ODR4: variants seen among roughly 807,000 people sequenced by gnomAD.
ODR4 encodes the protein odr-4 GPCR localization factor homolog.
In ODR4, 47 loss-of-function variants were observed where a neutral mutation model predicts 60.2. The observed-to-expected ratio is 0.78, with a 90% CI of 0.62 to 1.00. The LOEUF is 1.00. Among genes scored for constraint, ODR4 ranks in the 50% least tolerant of loss-of-function variants. The pLI, the probability that ODR4 is intolerant of heterozygous loss-of-function variation, is 0.00. For missense variants in ODR4, 488 were observed against 530.8 expected (o/e 0.92, Z 0.79); for synonymous variants, 178 against 175.5 (o/e 1.01, Z -0.11).
intron 11 of ODR4, among the ~76,000 whole-genome samples, chr1:186,402,234 C>CTTTCTTTCTTTCTTT (rs1553236960): frequency 5.7e-4 from 6 of 10,512 alleles, no homozygotes; most frequent in East Asian, 1.8e-3. Context: ...TTCTTTCTTT[C>CTTTCTTTCTTTCTTT]CTTTCTTTCT....
Position 186,419,052 on chromosome 1 carries a change from C to T in ODR4, c.1341C>T (p.Ile447=). 6.2e-7 allele frequency: 1 copy of T among 1,611,008 alleles called. No individual in the cohort carries two copies. The highest frequency in any genetic ancestry group is 8.5e-7 in the Non-Finnish European group (1 of 1,178,508). Reference sequence around the variant, plus strand: ...CAGTTGCAGTCCTTGCTGCGGGTATCTCCTTTCATTACTTCAGTGATTAGG... The same window carrying T: ...CAGTTGCAGTCCTTGCTGCGGGTATTTCCTTTCATTACTTCAGTGATTAGG... ...AFTVAVLAAG[I]SFHYFSD is the part of the protein sequence containing the mutation. The change falls in exon 14 of 14, where the codon ATC becomes ATT. Residue 447 remains isoleucine (I), a synonymous_variant. Coordinates refer to ENST00000287859, the MANE Select transcript of ODR4 (RefSeq NM_017847.6).
the ODR4 span, among the ~76,000 whole-genome samples, chr1:186,427,853 A>G: frequency 6.6e-6 from 1 of 152,224 alleles, no homozygotes; most frequent in Non-Finnish European, 1.5e-5. Context: ...TAATCTCTGC[A>G]TATCTCCATA....
rs1244980948 is a variant in ODR4 at position 186,419,435 on chromosome 1, T to C, written c.*359T>C. 4.2e-6 allele frequency: 1 copy of C among 237,466 alleles called. No individual in the cohort carries two copies. The highest frequency in any genetic ancestry group is 8.4e-6 in the Non-Finnish European group (1 of 119,748). The allele number at this position is 237,466 out of a possible 1,614,324, so 14.7% of individuals were successfully genotyped here. ...GACATTAAAAACTTTAACAGAGGCA[T>C]GATGGCTCACACGTATAATCCTAAT... On this transcript the variant is annotated 3_prime_UTR_variant, in exon 14 of 14. Coordinates refer to ENST00000287859, the MANE Select transcript of ODR4 (RefSeq NM_017847.6).
chr1:186,427,796 C>T, the ODR4 span, among the ~76,000 whole-genome samples: 467 of 152,286 alleles, frequency 3.1e-3, 4 homozygotes, highest in African/African-American at 0.011. Flanking sequence ...CTTCTTGATC[C>T]ATGGTCTGAA....
chr1:186,399,713 T>C (rs1255294506), intron 11 of ODR4, among the ~76,000 whole-genome samples: 1 of 152,148 alleles, frequency 6.6e-6, no homozygotes, highest in Non-Finnish European at 1.5e-5. Context: ...ATTATTAGTG[T>C]TAAATACTAT....
intron 12 of ODR4, among the ~76,000 whole-genome samples, chr1:186,409,449 A>C (rs1357106767): frequency 2.0e-5 from 3 of 152,242 alleles, no homozygotes; most frequent in Non-Finnish European, 4.4e-5. Context: ...TATTCAGTAG[A>C]TATTTGTTGA....
chr1:186,381,914 T>C (rs1453866153), intron 2 of ODR4, among the ~76,000 whole-genome samples: 5 of 152,206 alleles, frequency 3.3e-5, no homozygotes, highest in Non-Finnish European at 1.5e-5. Flanking sequence ...GTTACTCTTA[T>C]TTTCTATCCC....
chr1:186,400,956 G>A, intron 11 of ODR4: 1 of 1,310,928 alleles, frequency 7.6e-7, no homozygotes, highest in East Asian at 2.4e-5. Flanking sequence ...CTTTGAGTTT[G>A]TGGTAACTCC....
At chr1:186,413,498 T>G (rs1179011126) in intron 12 of ODR4, among the ~76,000 whole-genome samples, 1 of 152,180 alleles carries the variant, frequency 6.6e-6, no homozygotes, top group Non-Finnish European at 1.5e-5. Flanking sequence ...GAGGGATAAC[T>G]ATGGCTTTAA....
At chr1:186,399,125 T>C in intron 11 of ODR4, 81 bp downstream of exon 11, 1 of 861,162 alleles carries the variant, frequency 1.2e-6, no homozygotes, top group Non-Finnish European at 1.9e-6. Context: ...AGATACGTCA[T>C]CTTTTATAGC....
intron 11 of ODR4, 74 bp from the exon 12 acceptor site, chr1:186,406,009 T>G: frequency 1.9e-6 from 2 of 1,037,268 alleles, no homozygotes; most frequent in Non-Finnish European, 2.6e-6. Context: ...TTTTTGTATG[T>G]ACTTCTAAAA....
At chr1:186,418,288 T>TC (rs1425852453) in intron 13 of ODR4, among the ~76,000 whole-genome samples, 2 of 135,390 alleles carry the variant, frequency 1.5e-5, no homozygotes, top group Non-Finnish European at 3.1e-5. Flanking sequence ...TTTCTTTCTT[T>TC]CTTTTTTTTT....
At chr1:186,392,023 C>T (rs928833300) in intron 8 of ODR4, among the ~76,000 whole-genome samples, 3 of 151,806 alleles carry the variant, frequency 2.0e-5, no homozygotes, top group African/African-American at 4.8e-5. Flanking sequence ...AGCCAAGAAT[C>T]GTATGAAAAA....
chr1:186,403,928 G>A (rs182364645), intron 11 of ODR4, among the ~76,000 whole-genome samples: 1 of 152,166 alleles, frequency 6.6e-6, no homozygotes, highest in East Asian at 1.9e-4. Context: ...GTTTGTCTGT[G>A]CCTATGATTC....
intron 12 of ODR4, 45 bp downstream of exon 12, chr1:186,406,313 A>C (rs762928399): frequency 7.9e-6 from 11 of 1,397,420 alleles, no homozygotes; most frequent in African/African-American, 1.5e-5. Context: ...ATTACAGCTA[A>C]GATTTTACCT....
chr1:186,389,699 T>C lies in ODR4; in HGVS notation c.474+75T>C, dbSNP rs1414899802. The C allele has an allele frequency of 5.5e-6, 6 of 1,097,728 alleles. No individual in the cohort carries two copies. In the East Asian group the frequency reaches 1.3e-4, roughly 23 times the overall value. 68.0% of individuals were successfully genotyped at this position (1,097,728 alleles called of 1,614,324 possible). On this transcript the variant is annotated intron_variant, in intron 6 of 13. Coordinates refer to ENST00000287859, the MANE Select transcript of ODR4 (RefSeq NM_017847.6). ...ATCAAAATTCAGCTTTTATTTAGTT[T>C]TAATAATTTCCATTGCCATCACTTC... is the stretch of plus-strand genomic sequence containing the variant.
chr1:186,391,037 T>G (rs1660449674), intron 7 of ODR4, among the ~76,000 whole-genome samples, 186 bp downstream of exon 7: 1 of 152,214 alleles, frequency 6.6e-6, no homozygotes, highest in Non-Finnish European at 1.5e-5. Flanking sequence ...TGGAACAATG[T>G]CATAATACTA....
intron 13 of ODR4, 42 bp downstream of exon 13, chr1:186,417,696 A>C (rs1254054216): frequency 7.6e-6 from 8 of 1,045,936 alleles, no homozygotes; most frequent in South Asian, 7.0e-5. Context: ...AAACATATTT[A>C]GATTTGAGTT....
intron 2 of ODR4, among the ~76,000 whole-genome samples, chr1:186,382,461 A>C (rs1660077439): frequency 6.6e-6 from 1 of 151,990 alleles, no homozygotes; most frequent in South Asian, 2.1e-4. Flanking sequence ...CACAAAGAAC[A>C]AAAAACAAAA....
Sources: gnomAD v4.1 joint callset for allele counts (sites outside exome capture counted in the v4.1 genomes callset) on GRCh38, gnomAD v4.1.1 for gene constraint, MANE v1.5 for transcripts, NCBI Gene and HGNC (gene_info 2026-07-23, HGNC 2026-07-21) for gene names.